Variants in CD36 observed in about 807,000 individuals in gnomAD.
CD36 encodes the protein CD36 molecule (CD36 blood group).
CD36 carries 119 observed loss-of-function variants against 55.2 expected under a neutral mutation model. The ratio of observed to expected loss-of-function variants is 2.15; its 90% CI spans 1.86 to 2.51. CD36 has a LOEUF of 2.51. CD36 is among the 30% of genes most tolerant of loss of function. The pLI is 0.00. For synonymous variants in CD36, 186 were observed against 193.6 expected, an observed-to-expected ratio of 0.96 and a Z score of 0.33; for missense variants, 819 against 555.5, an observed-to-expected ratio of 1.47 and a Z score of -4.77.
chr7:80,651,459 A>T (rs1795614730), intron 3 of CD36, among the ~76,000 whole-genome samples: 1 of 152,112 alleles, frequency 6.6e-6, no homozygotes. Flanking sequence ...CAAAAAAGGA[A>T]TTATAGGTTT....
At position 80,646,645 on chromosome 7, in the gene CD36, A is replaced by G; in HGVS notation, c.-89-7A>G. ...GCTTCTGTTTTATGATCTCTTTCTA[A>G]TGATAGAACCAGAGCTTGTAGAAAC... On this transcript the variant is annotated splice_region_variant and splice_polypyrimidine_tract_variant and intron_variant, in intron 2 of 14. Coordinates refer to ENST00000447544, the MANE Select transcript of CD36 (RefSeq NM_001001548.3). The G allele has an allele frequency of 7.0e-7, 1 of 1,431,414 alleles. No individual in the cohort carries two copies. Among genetic ancestry groups the G allele is most frequent in the Non-Finnish European group, 9.8e-7 (1 of 1,015,566 alleles). 88.7% of individuals were successfully genotyped at this position (1,431,414 alleles called of 1,614,324 possible).
At chr7:80,661,989 T>G (rs976304383) in intron 5 of CD36, among the ~76,000 whole-genome samples, 1 of 152,130 alleles carries the variant, frequency 6.6e-6, no homozygotes, top group Non-Finnish European at 1.5e-5. Context: ...CAGGCGGGCA[T>G]TTATGTGGAT....
chr7:80,643,445 A>C (rs1794948949), intron 1 of CD36, among the ~76,000 whole-genome samples: 1 of 152,182 alleles, frequency 6.6e-6, no homozygotes, highest in South Asian at 2.1e-4. Flanking sequence ...TGAGTTATAC[A>C]TGTTTTAAAT....
At chr7:80,672,090 A>G in intron 11 of CD36, 50 bp downstream of exon 11, 1 of 1,353,188 alleles carries the variant, frequency 7.4e-7, no homozygotes, top group Non-Finnish European at 1.0e-6. Flanking sequence ...TTAAAAATAC[A>G]ATTGAAATAA....
intron 13 of CD36, 68 bp from the exon 14 acceptor site, chr7:80,673,915 G>T: frequency 8.8e-7 from 1 of 1,138,982 alleles, no homozygotes; most frequent in East Asian, 2.5e-5. Flanking sequence ...AAGGGTGATA[G>T]GCAATTGAAG....
At chr7:80,639,773 T>C (rs981935880) in intron 1 of CD36, 2 of 152,004 alleles carry the variant, frequency 1.3e-5, no homozygotes, top group Admixed American at 1.3e-4. Flanking sequence ...GTTTGTTATA[T>C]AGAAAGTCCA....
intron 7 of CD36, among the ~76,000 whole-genome samples, chr7:80,664,774 A>T (rs778263737): frequency 3.3e-5 from 5 of 151,804 alleles, no homozygotes; most frequent in Non-Finnish European, 7.4e-5. Flanking sequence ...CCCCAAAGGG[A>T]CTATTTTTTC....
intron 9 of CD36, chr7:80,670,640 G>A: frequency 6.3e-6 from 2 of 317,466 alleles, no homozygotes; most frequent in Non-Finnish European, 1.2e-5. Context: ...TTTCTTTCCA[G>A]GATTAATTAA....
intron 1 of CD36, among the ~76,000 whole-genome samples, chr7:80,641,319 T>C (rs981600305): frequency 3.3e-5 from 5 of 152,114 alleles, no homozygotes; most frequent in African/African-American, 4.8e-5. Context: ...TACTCATGTA[T>C]AGGGAACTGT....
intron 7 of CD36, chr7:80,666,033 C>G (rs1398317691): frequency 1.2e-5 from 2 of 169,648 alleles, no homozygotes; most frequent in African/African-American, 4.8e-5. Flanking sequence ...TTCTGCCTGC[C>G]TTGTACTTAG....
At chr7:80,606,763 C>A (rs534556844) in intron 1 of CD36, among the ~76,000 whole-genome samples, 2 of 152,296 alleles carry the variant, frequency 1.3e-5, no homozygotes, top group East Asian at 3.9e-4. Flanking sequence ...ACAACCACAG[C>A]ATGCACAGTA....
At chr7:80,630,414 A>G (rs916563092) in intron 1 of CD36, among the ~76,000 whole-genome samples, 2 of 152,060 alleles carry the variant, frequency 1.3e-5, no homozygotes, top group African/African-American at 4.8e-5. Context: ...ACCATTTTGA[A>G]AGAAAATTAA....
At chr7:80,658,438 T>C (rs1796261704) in intron 4 of CD36, among the ~76,000 whole-genome samples, 1 of 152,114 alleles carries the variant, frequency 6.6e-6, no homozygotes, top group Non-Finnish European at 1.5e-5. Context: ...ATTTGAGAAC[T>C]CATCATGATT....
At chr7:80,620,232 C>T (rs113184644) in intron 1 of CD36, among the ~76,000 whole-genome samples, 1,827 of 152,090 alleles carry the variant, frequency 0.012, 38 homozygotes, top group African/African-American at 0.041. Flanking sequence ...AACTCAGTTC[C>T]GACACTATCT....
chr7:80,625,982 A>AG (rs1399758814), intron 1 of CD36, among the ~76,000 whole-genome samples: 1 of 152,122 alleles, frequency 6.6e-6, no homozygotes, highest in East Asian at 1.9e-4. Context: ...GTATCAATAC[A>AG]GGGGGGTATT....
intron 1 of CD36, among the ~76,000 whole-genome samples, chr7:80,639,671 G>A (rs1468027934): frequency 1.3e-5 from 2 of 151,946 alleles, no homozygotes; most frequent in African/African-American, 4.8e-5. Flanking sequence ...GTCTTTTTCT[G>A]TGTGGTTTGA....
intron 3 of CD36, among the ~76,000 whole-genome samples, chr7:80,650,985 C>T (rs575998370): frequency 5.3e-5 from 8 of 150,136 alleles, no homozygotes; most frequent in Admixed American, 5.3e-4. Flanking sequence ...GTAGAAACTA[C>T]CAAAGCACTG....
chr7:80,622,767 G>A (rs17154181), intron 1 of CD36, among the ~76,000 whole-genome samples: 18,068 of 152,098 alleles, frequency 0.12, 1,495 homozygotes, highest in East Asian at 0.34. Flanking sequence ...AGATTCTGTG[G>A]TCTTCTACCC....
At chr7:80,634,285 A>G (rs1382269294), upstream of CD36, among the ~76,000 whole-genome samples, 2 of 152,040 alleles carry the variant, frequency 1.3e-5, no homozygotes, top group South Asian at 4.1e-4. Context: ...GATCATCTTC[A>G]TTGTTCTTTG....
Sources: allele counts gnomAD v4.1 joint callset (sites outside exome capture counted in the v4.1 genomes callset), GRCh38; gene constraint gnomAD v4.1.1; transcripts MANE v1.5; gene names NCBI Gene and HGNC (gene_info 2026-07-23, HGNC 2026-07-21).